The following HSD17B12 variants were observed in gnomAD, a reference collection of about 807,000 sequenced individuals.
HSD17B12 encodes the protein hydroxysteroid 17-beta dehydrogenase 12.
HSD17B12 carries 32 observed loss-of-function variants against 39.3 expected under a neutral mutation model. The observed-to-expected ratio is 0.81, with a 90% confidence interval of 0.61 to 1.09. HSD17B12 has a LOEUF of 1.09. Ranked by LOEUF, HSD17B12 falls within the 50% of genes least tolerant of loss-of-function variation. The probability of loss-of-function intolerance (pLI) is 0.00; values close to 1 mark genes in which losing one functional copy is unlikely to be tolerated. For missense variants in HSD17B12, 342 were observed against 382.9 expected, an observed-to-expected ratio of 0.89 and a Z score of 0.89; for synonymous variants, 150 against 146.7, an observed-to-expected ratio of 1.02 and a Z score of -0.16.
At chr11:43,666,875 C>A in the HSD17B12 span, among the ~76,000 whole-genome samples, 2 of 152,170 alleles carry the variant, frequency 1.3e-5, no homozygotes, top group Non-Finnish European at 2.9e-5. Context: ...AGAATGAAGT[C>A]AGTACATCTG....
chr11:43,642,506 A>G, the HSD17B12 span, among the ~76,000 whole-genome samples: 1 of 151,820 alleles, frequency 6.6e-6, no homozygotes, highest in Non-Finnish European at 1.5e-5. Flanking sequence ...CTGAGAAGAG[A>G]GTTGTAAGCA....
At chr11:43,630,950 G>A in the HSD17B12 span, among the ~76,000 whole-genome samples, 2 of 151,850 alleles carry the variant, frequency 1.3e-5, no homozygotes, top group Non-Finnish European at 2.9e-5. Flanking sequence ...GATTACAGGT[G>A]TCCGCCACCA....
intron 7 of HSD17B12, among the ~76,000 whole-genome samples, chr11:43,835,505 T>C (rs1265575915): frequency 6.6e-6 from 1 of 152,144 alleles, no homozygotes; most frequent in African/African-American, 2.4e-5. Flanking sequence ...CGAGAGAGTT[T>C]TACACTGTTG....
the HSD17B12 span, among the ~76,000 whole-genome samples, chr11:43,667,979 T>G: frequency 1.3e-5 from 2 of 152,126 alleles, no homozygotes; most frequent in African/African-American, 2.4e-5. Flanking sequence ...CTTGGTGCTT[T>G]TGAGGGCTGT....
intron 1 of HSD17B12, among the ~76,000 whole-genome samples, chr11:43,693,681 T>A (rs1286893042): frequency 6.6e-6 from 1 of 152,216 alleles, no homozygotes; most frequent in Non-Finnish European, 1.5e-5. Flanking sequence ...AATATAGTAT[T>A]TTTTAGAAAT....
intron 4 of HSD17B12, among the ~76,000 whole-genome samples, chr11:43,802,578 T>C (rs1950982249): frequency 6.6e-6 from 1 of 152,162 alleles, no homozygotes; most frequent in Non-Finnish European, 1.5e-5. Context: ...GAATTATGAG[T>C]ATAATTTATT....
intron 3 of HSD17B12, among the ~76,000 whole-genome samples, chr11:43,788,685 CAA>C (rs57970272): frequency 0.01 from 1,012 of 100,882 alleles, 12 homozygotes; most frequent in African/African-American, 0.039. Context: ...TTTCCTTCCT[CAA>C]AAAAAAAAAA....
chr11:43,710,586 A>G (rs1950055978), intron 1 of HSD17B12, among the ~76,000 whole-genome samples: 1 of 152,196 alleles, frequency 6.6e-6, no homozygotes, highest in Non-Finnish European at 1.5e-5. Flanking sequence ...TATTTTAAAT[A>G]ATGAATTATG....
At chr11:43,850,697 A>G (rs141432974) in intron 9 of HSD17B12, among the ~76,000 whole-genome samples, 55 of 152,294 alleles carry the variant, frequency 3.6e-4, no homozygotes, top group Middle Eastern at 3.4e-3. Flanking sequence ...CCTCTTCTGA[A>G]TCAAGCCCCC....
the HSD17B12 span, among the ~76,000 whole-genome samples, chr11:43,581,655 C>T: frequency 2.0e-5 from 3 of 152,224 alleles, no homozygotes; most frequent in South Asian, 4.1e-4. This position sits in a 1 kb window ranked among gnomAD's most constrained non-coding sequence, Gnocchi z 4.9. Flanking sequence ...TCCCTCCGAG[C>T]GAGTCCCCCG....
chr11:43,643,764 TC>T, the HSD17B12 span, among the ~76,000 whole-genome samples: 17 of 152,222 alleles, frequency 1.1e-4, no homozygotes, highest in Non-Finnish European at 2.9e-5. Context: ...TATAGGATAG[TC>T]TTTCTCTCTT....
chr11:43,792,797 A>G (rs1380230545), intron 3 of HSD17B12, among the ~76,000 whole-genome samples: 1 of 147,888 alleles, frequency 6.8e-6, no homozygotes, highest in Non-Finnish European at 1.5e-5. Context: ...AGGTGGTACT[A>G]CAGGCGTGCA....
At chr11:43,705,770 T>TC (rs1950008727) in intron 1 of HSD17B12, among the ~76,000 whole-genome samples, 1 of 139,112 alleles carries the variant, frequency 7.2e-6, no homozygotes, top group Non-Finnish European at 1.6e-5. Context: ...TCTTTTTTTT[T>TC]TTTTTTTTTT....
chr11:43,783,889 A>G (rs1259092898), intron 3 of HSD17B12, among the ~76,000 whole-genome samples: 1 of 152,202 alleles, frequency 6.6e-6, no homozygotes, highest in African/African-American at 2.4e-5. Context: ...TGTTAACACT[A>G]CACATTTTGA....
intron 1 of HSD17B12, among the ~76,000 whole-genome samples, chr11:43,689,500 G>C (rs1022769895): frequency 1.3e-5 from 2 of 151,982 alleles, no homozygotes; most frequent in African/African-American, 2.4e-5. Flanking sequence ...TATTTGTCTC[G>C]TGGCTTTGAA....
the HSD17B12 span, among the ~76,000 whole-genome samples, chr11:43,618,672 C>G: frequency 3.9e-5 from 6 of 152,186 alleles, no homozygotes; most frequent in Non-Finnish European, 5.9e-5. Flanking sequence ...TTAGTTCTTC[C>G]CAAAACAAGT....
rs530086208 is a variant in HSD17B12 at position 43,834,376 on chromosome 11, T to C, written c.536+3366T>C. On this transcript the variant is annotated intron_variant, in intron 7 of 10. Coordinates refer to ENST00000278353, the MANE Select transcript of HSD17B12 (RefSeq NM_016142.3). Reference sequence around the variant, plus strand: ...TGAAGAATTGGGATGGAATTTTTTTTTTTTTGTACATTCTTCCTTGGCTAC... The same window carrying C: ...TGAAGAATTGGGATGGAATTTTTTTCTTTTTGTACATTCTTCCTTGGCTAC... Among the ~76,000 whole-genome samples, 4 of 152,218 alleles carry C rather than the reference T, an allele frequency of 2.6e-5. No individual in the cohort carries two copies. In the South Asian group the frequency reaches 8.3e-4, roughly 32 times the overall value.
intron 6 of HSD17B12, among the ~76,000 whole-genome samples, chr11:43,823,553 G>T (rs1951203425): frequency 6.6e-6 from 1 of 152,128 alleles, no homozygotes; most frequent in Non-Finnish European, 1.5e-5. Flanking sequence ...TTACCAGTGT[G>T]AGTCACCATG....
At chr11:43,695,046 AGT>A (rs1243038433) in intron 1 of HSD17B12, among the ~76,000 whole-genome samples, 1 of 151,918 alleles carries the variant, frequency 6.6e-6, no homozygotes, top group Admixed American at 6.6e-5. Flanking sequence ...ATTAGCCCCA[AGT>A]GGTGGCATAT....
Sources: gnomAD v4.1 joint callset for allele counts (sites outside exome capture counted in the v4.1 genomes callset) on GRCh38, gnomAD v4.1.1 for gene constraint, Gnocchi (gnomAD v3.1) non-coding constraint, MANE v1.5 for transcripts, NCBI Gene and HGNC (gene_info 2026-07-23, HGNC 2026-07-21) for gene names.